The following RALYL variants were observed in gnomAD, a reference collection of about 807,000 sequenced individuals.
RALYL encodes RNA-binding Raly-like protein.
A neutral mutation model predicts 35.1 loss-of-function variants in RALYL; 29 were observed. The ratio of observed to expected loss-of-function variants is 0.83; its 90% CI spans 0.61 to 1.13. The LOEUF is 1.13. Among genes scored for constraint, RALYL ranks in the 50% most tolerant of loss-of-function variants. The pLI, the probability that RALYL is intolerant of heterozygous loss-of-function variation, is 0.00. For synonymous variants in RALYL, 120 were observed against 127.6 expected, an observed-to-expected ratio of 0.94 and a Z score of 0.40; for missense variants, 359 against 360.4, an observed-to-expected ratio of 1.00 and a Z score of 0.03.
intron 2 of RALYL, among the ~76,000 whole-genome samples, chr8:84,560,846 G>A (rs2061428963): frequency 6.6e-6 from 1 of 151,766 alleles, no homozygotes; most frequent in African/African-American, 2.4e-5. Flanking sequence ...TCAATTAAAT[G>A]CCCTTGGCTA....
intron 1 of RALYL, among the ~76,000 whole-genome samples, chr8:84,368,979 C>T (rs1202061838): frequency 6.6e-6 from 1 of 152,142 alleles, no homozygotes; most frequent in Non-Finnish European, 1.5e-5. Flanking sequence ...GTTTTTCCAT[C>T]GCATGAATTA....
chr8:84,413,857 C>T (rs1443161451), intron 1 of RALYL, among the ~76,000 whole-genome samples: 1 of 152,052 alleles, frequency 6.6e-6, no homozygotes, highest in African/African-American at 2.4e-5. Context: ...TCATTGTCGT[C>T]ATCATTAAAT....
chr8:84,697,406 A>C (rs114340225), intron 2 of RALYL, among the ~76,000 whole-genome samples: 2,135 of 152,022 alleles, frequency 0.014, 60 homozygotes, highest in African/African-American at 0.049. Flanking sequence ...ACATAATGTT[A>C]TCTCTTTTTA....
intron 2 of RALYL, among the ~76,000 whole-genome samples, chr8:84,686,696 C>T (rs1272056600): frequency 1.3e-5 from 2 of 152,152 alleles, no homozygotes; most frequent in Non-Finnish European, 2.9e-5. Context: ...TGAACCACCA[C>T]ACCCAACCAT....
At chr8:84,571,110 T>C (rs1388858197) in intron 2 of RALYL, among the ~76,000 whole-genome samples, 2 of 151,718 alleles carry the variant, frequency 1.3e-5, no homozygotes, top group Non-Finnish European at 3.0e-5. Context: ...GTTCTCTTTT[T>C]TGTCTGATTT....
intron 1 of RALYL, among the ~76,000 whole-genome samples, chr8:84,309,022 T>A (rs1285179010): frequency 6.6e-6 from 1 of 151,650 alleles, no homozygotes; most frequent in Non-Finnish European, 1.5e-5. Flanking sequence ...AAGTATATAC[T>A]ATACAATTAT....
intron 1 of RALYL, among the ~76,000 whole-genome samples, chr8:84,302,059 A>G (rs937850605): frequency 6.6e-6 from 1 of 152,192 alleles, no homozygotes; most frequent in South Asian, 2.1e-4. Context: ...TTGGAGTATT[A>G]ACCAATGCAA....
At chr8:84,857,549 G>A (rs928539619) in intron 5 of RALYL, among the ~76,000 whole-genome samples, 5 of 152,094 alleles carry the variant, frequency 3.3e-5, no homozygotes, top group Admixed American at 6.5e-5. Context: ...TTTAAACCAC[G>A]TTTGTTGACA....
At chr8:84,502,136 T>G in intron 1 of RALYL, among the ~76,000 whole-genome samples, 1 of 151,988 alleles carries the variant, frequency 6.6e-6, no homozygotes, top group East Asian at 1.9e-4. Flanking sequence ...CTATATGCTA[T>G]TTTGAAAGAA....
chr8:84,202,747 A>T (rs191413839), intron 1 of RALYL, among the ~76,000 whole-genome samples: 1 of 152,186 alleles, frequency 6.6e-6, no homozygotes, highest in Admixed American at 6.5e-5. Context: ...GAATTATGCT[A>T]CAAAATTGCA....
At chr8:84,721,778 C>T (rs2132647682) in intron 2 of RALYL, among the ~76,000 whole-genome samples, 1 of 152,162 alleles carries the variant, frequency 6.6e-6, no homozygotes, top group East Asian at 1.9e-4. Flanking sequence ...GACTTCATGT[C>T]ATATAATAAA....
intron 7 of RALYL, among the ~76,000 whole-genome samples, chr8:84,877,299 C>T (rs1158832899): frequency 1.3e-5 from 2 of 151,946 alleles, no homozygotes; most frequent in African/African-American, 4.8e-5. Flanking sequence ...CCAGCCTGGC[C>T]AACATGGTGA....
At chr8:84,302,194 T>C (rs1436286377) in intron 1 of RALYL, among the ~76,000 whole-genome samples, 1 of 152,184 alleles carries the variant, frequency 6.6e-6, no homozygotes, top group Non-Finnish European at 1.5e-5. Flanking sequence ...TTTTTAAAAT[T>C]TGTGAACATT....
At chr8:84,402,921 A>G (rs139655229) in intron 1 of RALYL, among the ~76,000 whole-genome samples, 4,305 of 152,114 alleles carry the variant, frequency 0.028, 198 homozygotes, top group African/African-American at 0.098. Flanking sequence ...GTGATGATGA[A>G]CATTTTTTCA....
At position 84,526,832 on chromosome 8, in the gene RALYL, T is replaced by C. The variant is rs999707445; in HGVS notation, c.-23-2467T>C. Among the ~76,000 whole-genome samples, 29 of 152,310 alleles carry C rather than the reference T, an allele frequency of 1.9e-4. 1 individual carries two copies. The highest frequency in any genetic ancestry group is 6.0e-4 in the African/African-American group (25 of 41,576). ...GCAGAAAGCTTGGCTGTCCTATGTTTTACTTTCCTTGTCTCTTCTTTCTCA... is the reference window on the plus strand; with the variant it reads ...GCAGAAAGCTTGGCTGTCCTATGTTCTACTTTCCTTGTCTCTTCTTTCTCA... On this transcript the variant is annotated intron_variant, in intron 1 of 8. Transcript: ENST00000521268.
intron 1 of RALYL, among the ~76,000 whole-genome samples, chr8:84,354,133 A>G (rs979080006): frequency 2.7e-5 from 4 of 149,732 alleles, no homozygotes; most frequent in Admixed American, 2.6e-4. Flanking sequence ...TCCCAGAGCA[A>G]TGTTAAGAAT....
intron 2 of RALYL, among the ~76,000 whole-genome samples, chr8:84,566,521 C>G (rs1158023481): frequency 6.6e-6 from 1 of 151,550 alleles, no homozygotes; most frequent in Admixed American, 6.6e-5. Flanking sequence ...GTAGTAGACA[C>G]TTTTGCTTTC....
intron 2 of RALYL, among the ~76,000 whole-genome samples, chr8:84,676,782 G>A (rs559403714): frequency 5.9e-5 from 9 of 151,414 alleles, no homozygotes; most frequent in African/African-American, 1.2e-4. Context: ...TATTGCTTGC[G>A]CTTGATTACA....
At chr8:84,225,069 A>T (rs1299497302) in intron 1 of RALYL, among the ~76,000 whole-genome samples, 1 of 152,222 alleles carries the variant, frequency 6.6e-6, no homozygotes, top group Non-Finnish European at 1.5e-5. Flanking sequence ...TTGCTGTCTC[A>T]GTTGATGACA....
Sources: gnomAD v4.1 joint callset for allele counts (sites outside exome capture counted in the v4.1 genomes callset) on GRCh38, gnomAD v4.1.1 for gene constraint, MANE v1.5 for transcripts, NCBI Gene and HGNC (gene_info 2026-07-23, HGNC 2026-07-21) for gene names.